The following PDE7B variants were observed in gnomAD, a reference collection of about 807,000 sequenced individuals.
PDE7B encodes the protein 3',5'-cyclic-AMP phosphodiesterase 7B.
PDE7B carries 29 observed loss-of-function variants against 56.2 expected under a neutral mutation model. The ratio of observed to expected loss-of-function variants is 0.52; its 90% CI spans 0.38 to 0.70. PDE7B has a LOEUF of 0.70. PDE7B is among the 30% of genes least tolerant of loss of function. The pLI is 0.00. For missense variants in PDE7B, 490 were observed against 565.0 expected (o/e 0.87, Z 1.35); for synonymous variants, 197 against 196.9 (o/e 1.00, Z 0.00).
intron 6 of PDE7B, among the ~76,000 whole-genome samples, chr6:136,153,452 T>G (rs1284768159): frequency 6.6e-6 from 1 of 152,208 alleles, no homozygotes; most frequent in Non-Finnish European, 1.5e-5. Context: ...GTGTCTCTAC[T>G]TGGTTCCAAG....
At chr6:135,955,181 A>G (rs1360321567) in intron 2 of PDE7B, among the ~76,000 whole-genome samples, 1 of 152,112 alleles carries the variant, frequency 6.6e-6, no homozygotes, top group African/African-American at 2.4e-5. Context: ...TTGAAATTCT[A>G]TCCTCAGCAA....
chr6:135,965,425 G>A (rs1189265941), intron 2 of PDE7B, among the ~76,000 whole-genome samples: 1 of 152,132 alleles, frequency 6.6e-6, no homozygotes, highest in African/African-American at 2.4e-5. Context: ...GAACAAGTGT[G>A]GCTAAAGCTG....
chr6:136,042,739 A>C (rs1287599184), intron 2 of PDE7B, among the ~76,000 whole-genome samples: 1 of 152,222 alleles, frequency 6.6e-6, no homozygotes, highest in African/African-American at 2.4e-5. Context: ...CTACTATTTC[A>C]AAATGTCTCA....
At chr6:135,970,238 G>C (rs1252556448) in intron 2 of PDE7B, among the ~76,000 whole-genome samples, 1 of 152,114 alleles carries the variant, frequency 6.6e-6, no homozygotes, top group Admixed American at 6.6e-5. Flanking sequence ...AGACTATGGA[G>C]AAAAGAAAAG....
chr6:136,138,622 G>T (rs1392452354), intron 3 of PDE7B, among the ~76,000 whole-genome samples: 2 of 152,028 alleles, frequency 1.3e-5, no homozygotes, highest in African/African-American at 2.4e-5. Flanking sequence ...AAGTGCTATT[G>T]TTTTCGCAAA....
intron 1 of PDE7B, among the ~76,000 whole-genome samples, chr6:135,908,734 T>C (rs1489609508): frequency 6.6e-6 from 1 of 152,200 alleles, no homozygotes; most frequent in East Asian, 1.9e-4. Flanking sequence ...ATCCAATTTG[T>C]TCCCATTTGC....
chr6:135,859,548 A>G (rs769160051), intron 1 of PDE7B, among the ~76,000 whole-genome samples: 21 of 152,150 alleles, frequency 1.4e-4, no homozygotes, highest in Non-Finnish European at 2.6e-4. Flanking sequence ...ACTTTTCCCT[A>G]TAAATCTCTT....
At chr6:136,114,419 C>T (rs1440503162) in intron 3 of PDE7B, among the ~76,000 whole-genome samples, 1 of 151,956 alleles carries the variant, frequency 6.6e-6, no homozygotes, top group African/African-American at 2.4e-5. Context: ...CTCTCTTTGA[C>T]ATATAAAACA....
intron 2 of PDE7B, among the ~76,000 whole-genome samples, chr6:136,045,204 G>A (rs911203180): frequency 6.6e-6 from 1 of 152,064 alleles, no homozygotes; most frequent in Non-Finnish European, 1.5e-5. Flanking sequence ...CACGGAATTT[G>A]TGATTTAATG....
chr6:135,926,308 C>T (rs888164621), intron 1 of PDE7B, among the ~76,000 whole-genome samples: 1 of 152,108 alleles, frequency 6.6e-6, no homozygotes, highest in African/African-American at 2.4e-5. Flanking sequence ...AGGATGGTCT[C>T]AATCTCCTGA....
intron 1 of PDE7B, among the ~76,000 whole-genome samples, chr6:135,879,719 A>T (rs1775569840): frequency 6.6e-6 from 1 of 152,182 alleles, no homozygotes; most frequent in African/African-American, 2.4e-5. Flanking sequence ...GAAACAGCCT[A>T]AGAATGATAT....
chr6:136,021,644 CAAA>C (rs57606305), intron 2 of PDE7B, among the ~76,000 whole-genome samples: 2 of 130,320 alleles, frequency 1.5e-5, no homozygotes, highest in Non-Finnish European at 3.4e-5. Context: ...AACTCTGTCT[CAAA>C]AAAAAAAAAA....
At chr6:135,905,724 T>C (rs1434620766) in intron 1 of PDE7B, among the ~76,000 whole-genome samples, 1 of 152,144 alleles carries the variant, frequency 6.6e-6, no homozygotes, top group African/African-American at 2.4e-5. Flanking sequence ...TTTCTCTGTG[T>C]GGGTGCGAGG....
chr6:136,132,703 T>C (rs1778138646), intron 3 of PDE7B, among the ~76,000 whole-genome samples: 1 of 152,182 alleles, frequency 6.6e-6, no homozygotes, highest in African/African-American at 2.4e-5. Context: ...GTGTGTTTGT[T>C]CTAGATGAAA....
intron 2 of PDE7B, among the ~76,000 whole-genome samples, chr6:136,075,851 C>T (rs1276152234): frequency 6.6e-6 from 1 of 152,132 alleles, no homozygotes; most frequent in Non-Finnish European, 1.5e-5. Flanking sequence ...CTAGCCCTAA[C>T]GACATTACTC....
intron 2 of PDE7B, among the ~76,000 whole-genome samples, chr6:136,020,408 T>C (rs528314712): frequency 6.6e-6 from 1 of 152,372 alleles, no homozygotes; most frequent in Non-Finnish European, 1.5e-5. Flanking sequence ...TATACATTTA[T>C]AAATATTTAC....
chr6:136,056,086 G>A (rs1022678002), intron 2 of PDE7B, among the ~76,000 whole-genome samples: 14 of 152,122 alleles, frequency 9.2e-5, no homozygotes, highest in African/African-American at 2.9e-4. Context: ...GAGGGGAAAC[G>A]TAGAAGGAGG....
intron 2 of PDE7B, among the ~76,000 whole-genome samples, chr6:136,096,537 TTAAAGA>T (rs1488204699): frequency 2.0e-5 from 3 of 151,352 alleles, no homozygotes; most frequent in South Asian, 4.2e-4. Flanking sequence ...TGGAGTATAT[TTAAAGA>T]TAGGAAGTGG....
chr6:135,945,306 T>C (rs1284769761), intron 1 of PDE7B, among the ~76,000 whole-genome samples: 1 of 152,128 alleles, frequency 6.6e-6, no homozygotes, highest in Non-Finnish European at 1.5e-5. Context: ...AAATGATAAA[T>C]ATGACACGAG....
Sources: gnomAD v4.1 joint callset for allele counts (sites outside exome capture counted in the v4.1 genomes callset) on GRCh38, gnomAD v4.1.1 for gene constraint, MANE v1.5 for transcripts, NCBI Gene and HGNC (gene_info 2026-07-23, HGNC 2026-07-21) for gene names.